SNTG1: variants seen among roughly 807,000 people sequenced by gnomAD.
SNTG1 encodes the protein gamma-1-syntrophin.
In SNTG1, 39 loss-of-function variants were observed where a neutral mutation model predicts 74.7. The observed-to-expected ratio is 0.52, with a 90% CI of 0.40 to 0.68. The LOEUF is 0.68. Ranked by LOEUF, SNTG1 falls within the 30% of genes least tolerant of loss-of-function variation. SNTG1 has a pLI of 0.00. For missense variants in SNTG1, 685 were observed against 609.5 expected (o/e 1.12, Z -1.30); for synonymous variants, 254 against 217.1 (o/e 1.17, Z -1.49).
chr8:49,923,471 TAC>T (rs1806737200), intron 1 of SNTG1, among the ~76,000 whole-genome samples: 1 of 152,126 alleles, frequency 6.6e-6, no homozygotes, highest in Non-Finnish European at 1.5e-5. Context: ...CCAAATGAAA[TAC>T]AGTCTCTTCC....
At chr8:50,177,000 G>A (rs537234524) in intron 2 of SNTG1, among the ~76,000 whole-genome samples, 25 of 152,200 alleles carry the variant, frequency 1.6e-4, no homozygotes, top group African/African-American at 5.5e-4. Context: ...TGCAGGTAAA[G>A]GCCATTGGCA....
In SNTG1 at chr8:50,488,938, C is replaced by T. The variant is rs572171489; in HGVS notation, c.364-13840C>T. ...GCTATCCCTCCCATAGCCCCCCACC[C>T]CACAACAGGCCCCAATGTGTGATAT... On this transcript the variant is annotated intron_variant, in intron 8 of 18. Transcript: ENST00000642720. Among the ~76,000 whole-genome samples, 5 of 152,252 alleles carry T rather than the reference C, an allele frequency of 3.3e-5. No individual in the cohort carries two copies. In the East Asian group the frequency reaches 9.7e-4, roughly 29 times the overall value.
At chr8:50,223,729 C>A (rs1035978725) in intron 2 of SNTG1, among the ~76,000 whole-genome samples, 50 of 152,024 alleles carry the variant, frequency 3.3e-4, no homozygotes, top group Non-Finnish European at 5.9e-5. Flanking sequence ...CAATAAAGTG[C>A]ATTTTCAAAA....
At chr8:50,317,930 G>T (rs1563888859) in intron 2 of SNTG1, among the ~76,000 whole-genome samples, 1 of 151,828 alleles carries the variant, frequency 6.6e-6, no homozygotes, top group African/African-American at 2.4e-5. Flanking sequence ...TCCGCCTCCC[G>T]GGTTCACGCC....
chr8:50,199,286 C>T (rs35418717), intron 2 of SNTG1, among the ~76,000 whole-genome samples: 23,513 of 149,738 alleles, frequency 0.16, 2,253 homozygotes, highest in Middle Eastern at 0.28. Flanking sequence ...GGTTCAATCT[C>T]GGCTCACTGC....
chr8:50,762,769 G>C (rs531482742), intron 18 of SNTG1: 1 of 472,454 alleles, frequency 2.1e-6, no homozygotes, highest in African/African-American at 2.0e-5. Context: ...TCTGAACAAA[G>C]ATCTTCTTGC....
intron 2 of SNTG1, among the ~76,000 whole-genome samples, chr8:50,178,985 A>AATC (rs2083104402): frequency 6.6e-6 from 1 of 152,204 alleles, no homozygotes; most frequent in African/African-American, 2.4e-5. Flanking sequence ...CTCATATTGA[A>AATC]ATCATCAATT....
intron 18 of SNTG1, among the ~76,000 whole-genome samples, chr8:50,787,760 T>A (rs190203813): frequency 6.6e-5 from 10 of 152,108 alleles, no homozygotes; most frequent in Admixed American, 4.6e-4. Context: ...ATCTTATGTG[T>A]ATGATACTAT....
intron 1 of SNTG1, among the ~76,000 whole-genome samples, chr8:49,937,247 T>G (rs937767096): frequency 6.6e-6 from 1 of 152,014 alleles, no homozygotes; most frequent in Non-Finnish European, 1.5e-5. Flanking sequence ...TGATTCCAAT[T>G]ACATAAAATT....
intron 12 of SNTG1, among the ~76,000 whole-genome samples, chr8:50,586,154 A>G (rs936773580): frequency 2.6e-5 from 4 of 152,208 alleles, no homozygotes; most frequent in Non-Finnish European, 5.9e-5. Context: ...CAGTGTAAGA[A>G]AGACATCTTT....
chr8:50,493,682 T>C (rs974020442), intron 8 of SNTG1, among the ~76,000 whole-genome samples: 1 of 151,546 alleles, frequency 6.6e-6, no homozygotes, highest in East Asian at 1.9e-4. Flanking sequence ...GTCAACGCTG[T>C]ATATAAGTGT....
At chr8:50,444,231 C>A (rs762508368) in intron 5 of SNTG1, among the ~76,000 whole-genome samples, 52 of 152,094 alleles carry the variant, frequency 3.4e-4, no homozygotes, top group Non-Finnish European at 6.5e-4. Context: ...GAGTACTAGT[C>A]GTTTCAAATT....
chr8:50,412,022 A>C (rs1156381857), intron 4 of SNTG1, among the ~76,000 whole-genome samples: 2 of 152,156 alleles, frequency 1.3e-5, no homozygotes, highest in Non-Finnish European at 2.9e-5. Flanking sequence ...AGGCTCCTCC[A>C]AACGTAGAAG....
intron 15 of SNTG1, among the ~76,000 whole-genome samples, chr8:50,670,746 GC>G (rs1431651648): frequency 8.8e-5 from 13 of 148,364 alleles, no homozygotes; most frequent in Non-Finnish European, 1.0e-4. Context: ...TCAATCCTAA[GC>G]CAAAAGAACA....
intron 16 of SNTG1, among the ~76,000 whole-genome samples, chr8:50,706,074 T>C (rs138133021): frequency 9.2e-5 from 14 of 152,322 alleles, no homozygotes; most frequent in Admixed American, 2.6e-4. Flanking sequence ...CAAACCTCTG[T>C]AATCAACACA....
chr8:50,507,531 T>G (rs2094018143), intron 9 of SNTG1, among the ~76,000 whole-genome samples: 1 of 152,142 alleles, frequency 6.6e-6, no homozygotes, highest in Admixed American at 6.6e-5. Context: ...GTATTTTTTG[T>G]TTCTTCATAA....
At chr8:50,377,137 G>A (rs1161353658) in intron 2 of SNTG1, among the ~76,000 whole-genome samples, 2 of 152,048 alleles carry the variant, frequency 1.3e-5, no homozygotes, top group Non-Finnish European at 2.9e-5. Context: ...AGGAGGGTGA[G>A]AAGGACAATT....
chr8:50,771,757 G>T (rs1287101710), intron 18 of SNTG1, among the ~76,000 whole-genome samples: 1 of 152,014 alleles, frequency 6.6e-6, no homozygotes, highest in Non-Finnish European at 1.5e-5. Flanking sequence ...GAATGGTTTT[G>T]GGGGACAGGC....
At chr8:50,097,837 AT>A (rs940948446) in intron 1 of SNTG1, among the ~76,000 whole-genome samples, 13 of 152,332 alleles carry the variant, frequency 8.5e-5, no homozygotes, top group Admixed American at 2.0e-4. Context: ...AGAACTTTTT[AT>A]GTAAGAGAGG....
Sources: allele counts gnomAD v4.1 joint callset (sites outside exome capture counted in the v4.1 genomes callset), GRCh38; gene constraint gnomAD v4.1.1; transcripts MANE v1.5; gene names NCBI Gene and HGNC (gene_info 2026-07-23, HGNC 2026-07-21).